PIGL: variants seen among roughly 807,000 people sequenced by gnomAD.
PIGL encodes the protein N-acetylglucosaminyl-phosphatidylinositol de-N-acetylase.
PIGL carries 22 observed loss-of-function variants against 31.1 expected under a neutral mutation model. That is an observed-to-expected ratio of 0.71 (90% confidence interval 0.51 to 1.01). PIGL has a LOEUF of 1.01. PIGL is among the 50% of genes least tolerant of loss of function. The probability of loss-of-function intolerance (pLI) is 0.00; values close to 1 mark genes in which losing one functional copy is unlikely to be tolerated. For missense variants in PIGL, 302 were observed against 315.9 expected (o/e 0.96, Z 0.33); for synonymous variants, 131 against 117.4 (o/e 1.12, Z -0.75).
At chr17:16,270,257 C>T (rs534825618) in intron 2 of PIGL, among the ~76,000 whole-genome samples, 10 of 149,486 alleles carry the variant, frequency 6.7e-5, no homozygotes, top group African/African-American at 2.5e-4. Flanking sequence ...CCACTGCACT[C>T]CAGCCTGGGT....
At chr17:16,269,528 G>A (rs887362063) in intron 2 of PIGL, among the ~76,000 whole-genome samples, 1 of 151,968 alleles carries the variant, frequency 6.6e-6, no homozygotes, top group Admixed American at 6.6e-5. Flanking sequence ...GCATGTGCCG[G>A]TAATCCCAGC....
At chr17:16,316,926 G>T in intron 5 of PIGL, 1 of 1,342,914 alleles carries the variant, frequency 7.4e-7, no homozygotes, top group Non-Finnish European at 9.6e-7. Context: ...GGATGAGTGG[G>T]GAGGCCAGGT....
At position 16,317,425 on chromosome 17, in the gene PIGL, A is replaced by T. The variant is rs2093082664; in HGVS notation, c.527-350A>T. On this transcript the variant is annotated intron_variant, in intron 5 of 6. Transcript: ENST00000225609. ...ACTTTGCCAAGTCTGTCAATTCTTG[A>T]CTGACAGAGCTGGAACCAGGTCTCT... 5.9e-6 allele frequency: 6 copies of T among 1,020,610 alleles called. No homozygotes were observed. The South Asian group carries it at 2.4e-4, about 41-fold the overall frequency. The allele number at this position is 1,020,610 out of a possible 1,614,324, so 63.2% of individuals were successfully genotyped here. A position where few individuals can be genotyped will look rare whatever the true frequency, so the allele number is the denominator to read the frequency against.
At chr17:16,306,860 G>A (rs2093028551) in intron 3 of PIGL, among the ~76,000 whole-genome samples, 1 of 152,152 alleles carries the variant, frequency 6.6e-6, no homozygotes, top group Non-Finnish European at 1.5e-5. Context: ...CCGAAGGGGT[G>A]AGATTCTTAG....
intron 6 of PIGL, among the ~76,000 whole-genome samples, chr17:16,321,235 G>GC (rs1163994907): frequency 7.1e-6 from 1 of 141,776 alleles, no homozygotes; most frequent in Non-Finnish European, 1.5e-5. Context: ...ACTGCGCCGG[G>GC]CCTTTTTTTT....
chr17:16,296,417 C>CT (rs1260982036), intron 2 of PIGL, among the ~76,000 whole-genome samples: 1 of 152,016 alleles, frequency 6.6e-6, no homozygotes, highest in East Asian at 1.9e-4. Flanking sequence ...TGAGACCAGC[C>CT]TGGCCAATAT....
intron 2 of PIGL, among the ~76,000 whole-genome samples, chr17:16,252,089 T>C (rs2092775087): frequency 1.3e-5 from 2 of 151,538 alleles, no homozygotes; most frequent in South Asian, 4.2e-4. Context: ...TCTTTTTTTT[T>C]GTTGAGACAG....
intron 3 of PIGL, among the ~76,000 whole-genome samples, chr17:16,300,641 C>T (rs887597670): frequency 2.0e-5 from 3 of 151,042 alleles, no homozygotes; most frequent in Admixed American, 6.6e-5. Context: ...GATTGTGTTA[C>T]TGCACTCCAG....
chr17:16,311,496 GT>G lies in PIGL; in HGVS notation c.427-2048del, dbSNP rs1318957359. Among the ~76,000 whole-genome samples the G allele has an allele frequency of 5.8e-4, 18 of 30,874 alleles. No homozygotes were observed. In the Middle Eastern group the frequency reaches 0.037, roughly 63 times the overall value. 20.3% of individuals were successfully genotyped at this position (30,874 alleles called of 152,430 possible). A position where few individuals can be genotyped will look rare whatever the true frequency, so the allele number is the denominator to read the frequency against. On this transcript the variant is annotated intron_variant, in intron 3 of 6. Coordinates refer to ENST00000225609, the MANE Select transcript of PIGL (RefSeq NM_004278.4). ...TTTTTTTTTTTGATCATTCTTGGGT[GT>G]TTCTCGAAGAGGGGGATTTGGCAGG...
Sources: gnomAD v4.1 joint callset for allele counts (sites outside exome capture counted in the v4.1 genomes callset) on GRCh38, gnomAD v4.1.1 for gene constraint, MANE v1.5 for transcripts, NCBI Gene and HGNC (gene_info 2026-07-23, HGNC 2026-07-21) for gene names.